APP: variants seen among roughly 807,000 people sequenced by gnomAD.
APP encodes amyloid beta precursor protein.
A neutral mutation model predicts 101.4 loss-of-function variants in APP; 31 were observed. The observed-to-expected ratio is 0.31, with a 90% CI of 0.23 to 0.41. APP has a LOEUF of 0.41. APP is among the 10% of genes least tolerant of loss of function. The pLI is 1.00. For synonymous variants in APP, 366 were observed against 364.4 expected (o/e 1.00, Z -0.05); for missense variants, 839 against 1,003.7 (o/e 0.84, Z 2.22).
chr21:25,903,060 TA>T (rs1555892134), intron 15 of APP, among the ~76,000 whole-genome samples: 2 of 140,698 alleles, frequency 1.4e-5, no homozygotes, highest in South Asian at 2.4e-4. Flanking sequence ...AGATTTAGAT[TA>T]AAAAAAATTT....
At chr21:25,909,261 C>A (rs1289962954) in intron 14 of APP, among the ~76,000 whole-genome samples, 1 of 125,870 alleles carries the variant, frequency 7.9e-6, no homozygotes, top group Non-Finnish European at 1.6e-5. Flanking sequence ...AGCGAGACTC[C>A]GTCTCAAAAA....
intron 9 of APP, among the ~76,000 whole-genome samples, chr21:25,978,627 G>C (rs1464204176): frequency 6.6e-6 from 1 of 152,064 alleles, no homozygotes; most frequent in Non-Finnish European, 1.5e-5. Context: ...CAGGAGAAAG[G>C]GGCGCTCTTA....
chr21:26,145,308 A>C (rs1275663490), intron 1 of APP, among the ~76,000 whole-genome samples: 2 of 152,024 alleles, frequency 1.3e-5, no homozygotes, highest in Non-Finnish European at 2.9e-5. Context: ...TGGGGGTGGG[A>C]TGGCATGAGA....
At chr21:25,947,109 T>C (rs1474098565) in intron 13 of APP, among the ~76,000 whole-genome samples, 1 of 152,226 alleles carries the variant, frequency 6.6e-6, no homozygotes, top group Non-Finnish European at 1.5e-5. Flanking sequence ...ATAAAAATCA[T>C]TCAGGAAAAC....
intron 2 of APP, among the ~76,000 whole-genome samples, chr21:26,092,570 G>A (rs1334274139): frequency 6.6e-6 from 1 of 152,202 alleles, no homozygotes; most frequent in African/African-American, 2.4e-5. Flanking sequence ...TTTTAGGGCA[G>A]TGAAACTACT....
chr21:26,050,310 T>C (rs747919507), intron 5 of APP, among the ~76,000 whole-genome samples: 8 of 152,150 alleles, frequency 5.3e-5, no homozygotes, highest in Admixed American at 1.3e-4. Context: ...CAGCATAAAA[T>C]CAATGCCTGA....
intron 4 of APP, among the ~76,000 whole-genome samples, chr21:26,052,101 T>C (rs1305263706): frequency 6.6e-6 from 1 of 152,246 alleles, no homozygotes; most frequent in Admixed American, 6.5e-5. Flanking sequence ...TACTATTTTA[T>C]AAGAGGCATA....
rs564935101 is a variant in APP at position 25,897,648 on chromosome 21, C to G, written c.1989G>C (p.Thr663=). The G allele has an allele frequency of 7.4e-6, 12 of 1,613,768 alleles. No homozygotes were observed. In the African/African-American group the frequency reaches 1.5e-4, roughly 20 times the overall value. Residue 663 remains threonine (T), a synonymous_variant, in exon 16 of 18, where the codon ACG becomes ACC. Transcript: ENST00000346798. ...CCATCTTCACTTCAGAGATCTCCTC[C>G]GTCTTGATATTTGTCAACCCAGAAC... ...RPGSGLTNIK[T]EEISEVKMDA... is the part of the protein sequence containing the mutation.
At chr21:25,910,073 A>G (rs2038989793) in intron 14 of APP, among the ~76,000 whole-genome samples, 1 of 152,200 alleles carries the variant, frequency 6.6e-6, no homozygotes, top group Non-Finnish European at 1.5e-5. Flanking sequence ...GTCTAATATT[A>G]TATTTAGATT....
At chr21:26,059,433 G>A (rs533518179) in intron 3 of APP, among the ~76,000 whole-genome samples, 6 of 152,204 alleles carry the variant, frequency 3.9e-5, no homozygotes, top group South Asian at 4.1e-4. Flanking sequence ...CCAAAGCCTC[G>A]GTTTCCTTGT....
chr21:26,127,311 T>G (rs2146261079), intron 1 of APP, among the ~76,000 whole-genome samples: 2 of 152,278 alleles, frequency 1.3e-5, no homozygotes, highest in East Asian at 3.9e-4. Context: ...AATCTCTCTG[T>G]AGGTAAAGAC....
At chr21:25,898,342 CTA>C (rs1471789086) in intron 15 of APP, among the ~76,000 whole-genome samples, 14 of 152,090 alleles carry the variant, frequency 9.2e-5, no homozygotes, top group African/African-American at 1.9e-4. Context: ...CTATAAATTG[CTA>C]TATGATTCTT....
chr21:26,091,407 G>C (rs1327274751), intron 2 of APP, among the ~76,000 whole-genome samples: 1 of 152,196 alleles, frequency 6.6e-6, no homozygotes, highest in African/African-American at 2.4e-5. Context: ...GAGTTGCAGT[G>C]ATTGGTCATT....
chr21:26,093,046 A>G (rs1322596844), intron 2 of APP, among the ~76,000 whole-genome samples: 1 of 152,150 alleles, frequency 6.6e-6, no homozygotes, highest in Admixed American at 6.5e-5. Context: ...CCTGCTATTA[A>G]TACTTCTCTT....
At chr21:26,036,808 T>C (rs1416397081) in intron 5 of APP, among the ~76,000 whole-genome samples, 1 of 152,174 alleles carries the variant, frequency 6.6e-6, no homozygotes, top group Non-Finnish European at 1.5e-5. Context: ...AGAGCTACCA[T>C]ACGATCCAGC....
chr21:25,924,883 A>G (rs2146367364), intron 13 of APP, among the ~76,000 whole-genome samples: 1 of 149,702 alleles, frequency 6.7e-6, no homozygotes, highest in African/African-American at 2.5e-5. Context: ...TGCTATTACT[A>G]TTTTCTTTCC....
At chr21:26,159,205 G>A (rs955998596) in intron 1 of APP, among the ~76,000 whole-genome samples, 1 of 151,698 alleles carries the variant, frequency 6.6e-6, no homozygotes, top group Admixed American at 6.6e-5. Context: ...TCAGCCTCCC[G>A]AGTAGCTGGG....
chr21:26,016,941 GGGC>G (rs2044102848), intron 6 of APP, among the ~76,000 whole-genome samples: 1 of 13,030 alleles, frequency 7.7e-5, no homozygotes, highest in African/African-American at 1.0e-4. Flanking sequence ...GGGGGGCGGG[GGGC>G]GGGGGGCGGG....
chr21:26,029,349 TCACAAGGCA>T (rs533089202), intron 5 of APP, among the ~76,000 whole-genome samples: 19 of 151,704 alleles, frequency 1.3e-4, no homozygotes, highest in Non-Finnish European at 1.9e-4. Flanking sequence ...CAAAGGTGGC[TCACAAGGCA>T]AGTAGCCAAA....
Sources: gnomAD v4.1 joint callset for allele counts (sites outside exome capture counted in the v4.1 genomes callset) on GRCh38, gnomAD v4.1.1 for gene constraint, MANE v1.5 for transcripts, NCBI Gene and HGNC (gene_info 2026-07-23, HGNC 2026-07-21) for gene names.